HYDIN: variants seen among roughly 807,000 people sequenced by gnomAD.
HYDIN encodes HYDIN axonemal central pair apparatus protein.
HYDIN carries 132 observed loss-of-function variants against 403.9 expected under a neutral mutation model. The observed-to-expected ratio is 0.33, with a 90% confidence interval of 0.28 to 0.38. The LOEUF is 0.38. Ranked by LOEUF, HYDIN falls within the 10% of genes least tolerant of loss-of-function variation. The pLI, the probability that HYDIN is intolerant of heterozygous loss-of-function variation, is 1.00. For missense variants in HYDIN, 2,827 were observed against 5,009.5 expected, an observed-to-expected ratio of 0.56 and a Z score of 13.15; for synonymous variants, 1,202 against 1,891.7, an observed-to-expected ratio of 0.64 and a Z score of 9.46.
At chr16:70,930,636 C>G (rs1461024640) in intron 45 of HYDIN, among the ~76,000 whole-genome samples, 1 of 152,152 alleles carries the variant, frequency 6.6e-6, no homozygotes, top group Non-Finnish European at 1.5e-5. Flanking sequence ...TATAAGCAGC[C>G]TAAATCTCTG....
chr16:71,051,671 A>G (rs1477990436), intron 18 of HYDIN, among the ~76,000 whole-genome samples: 1 of 151,916 alleles, frequency 6.6e-6, no homozygotes, highest in Non-Finnish European at 1.5e-5. Context: ...AAAAAAAACA[A>G]AAAAAAGAAA....
intron 17 of HYDIN, 46 bp downstream of exon 17, chr16:71,062,123 A>C (rs748879470): frequency 9.7e-7 from 1 of 1,029,498 alleles, no homozygotes; most frequent in African/African-American, 1.6e-5. Context: ...AATGTTTGAG[A>C]AGAAGCACAG....
chr16:71,059,668 C>T (rs2144265108), intron 18 of HYDIN, among the ~76,000 whole-genome samples: 1 of 152,256 alleles, frequency 6.6e-6, no homozygotes, highest in East Asian at 1.9e-4. Context: ...ATAAAAACTA[C>T]CTGTTGGATA....
chr16:70,904,531 G>GTTTTTTTTTTTTTTTTTTTT (rs1567802705), intron 50 of HYDIN, among the ~76,000 whole-genome samples: 2 of 22,746 alleles, frequency 8.8e-5, no homozygotes, highest in Non-Finnish European at 1.6e-4. Context: ...AGGGAGTTTC[G>GTTTTTTTTTTTTTTTTTTTT]TTCTTGTTGC....
intron 44 of HYDIN, among the ~76,000 whole-genome samples, chr16:70,936,746 G>A (rs1223949206): frequency 1.3e-5 from 2 of 148,340 alleles, no homozygotes; most frequent in Non-Finnish European, 3.0e-5. Context: ...TGGCCAGGCT[G>A]GTCTCGAACT....
At chr16:71,207,231 AGCAG>A (rs1384901249) in intron 1 of HYDIN, among the ~76,000 whole-genome samples, 1 of 152,252 alleles carries the variant, frequency 6.6e-6, no homozygotes, top group East Asian at 1.9e-4. Context: ...CATATTTCTC[AGCAG>A]AAACCCTATA....
chr16:71,096,421 T>C (rs1184670967), intron 10 of HYDIN, among the ~76,000 whole-genome samples: 1 of 152,268 alleles, frequency 6.6e-6, no homozygotes, highest in Non-Finnish European at 1.5e-5. Context: ...CTGAAAAATT[T>C]TGAGTCATTA....
At chr16:71,108,507 T>A (rs940625973) in intron 10 of HYDIN, among the ~76,000 whole-genome samples, 1 of 152,148 alleles carries the variant, frequency 6.6e-6, no homozygotes, top group African/African-American at 2.4e-5. Context: ...GCTTGCCTTA[T>A]AATTATTTGT....
At position 70,921,167 on chromosome 16, in the gene HYDIN, T is replaced by C. The variant is rs1239231424; in HGVS notation, c.7209A>G (p.Lys2403=). 2 of 1,481,214 alleles carry C rather than the reference T, an allele frequency of 1.4e-6. No homozygotes were observed. The highest frequency in any genetic ancestry group is 2.0e-5 in the Admixed American group (1 of 49,162). 91.8% of individuals were successfully genotyped at this position (1,481,214 alleles called of 1,614,324 possible). Residue 2403 remains lysine (K), a synonymous_variant, in exon 46 of 86, where the codon AAA becomes AAG. Coordinates refer to ENST00000393567, the MANE Select transcript of HYDIN (RefSeq NM_001270974.2). The part of the protein sequence containing the change: ...VDVKMETIER[K]ISVREQTMSE... ...ACATTGTTTGTTCCCTAACAGATAT[T>C]TTCCTTTCGATTGTCTCCATCTTGA...
At chr16:71,188,579 T>C (rs1357210048) in intron 1 of HYDIN, among the ~76,000 whole-genome samples, 3 of 152,212 alleles carry the variant, frequency 2.0e-5, no homozygotes, top group Admixed American at 6.5e-5. Context: ...GTAACAGTTA[T>C]TATTATCTAT....
intron 1 of HYDIN, among the ~76,000 whole-genome samples, chr16:71,203,573 C>T (rs528861648): frequency 6.6e-6 from 1 of 152,202 alleles, no homozygotes; most frequent in South Asian, 2.1e-4. Context: ...TAATCTGTGC[C>T]AAGCACAGTG....
At chr16:70,961,498 A>C (rs1214157538) in intron 38 of HYDIN, among the ~76,000 whole-genome samples, 1 of 152,186 alleles carries the variant, frequency 6.6e-6, no homozygotes, top group African/African-American at 2.4e-5. Flanking sequence ...GTTTCACTGA[A>C]TCTAATTTTC....
chr16:70,819,451 C>G, intron 83 of HYDIN, among the ~76,000 whole-genome samples: 1 of 149,820 alleles, frequency 6.7e-6, no homozygotes, highest in African/African-American at 2.5e-5. Context: ...TTCGCAAACT[C>G]AAGTATCTTG....
intron 12 of HYDIN, among the ~76,000 whole-genome samples, chr16:71,084,622 C>T (rs2082880747): frequency 6.8e-6 from 1 of 146,164 alleles, no homozygotes; most frequent in Middle Eastern, 3.2e-3. Context: ...CTCCTGGCCT[C>T]AGGTAATCTG....
intron 75 of HYDIN, among the ~76,000 whole-genome samples, chr16:70,849,448 CGTT>C (rs1487669665): frequency 1.9e-4 from 29 of 151,880 alleles, no homozygotes; most frequent in Non-Finnish European, 5.9e-5. Context: ...TCTTAGAAAA[CGTT>C]GTACATATTC....
intron 62 of HYDIN, among the ~76,000 whole-genome samples, chr16:70,878,780 A>G (rs1164333647): frequency 7.2e-6 from 1 of 139,444 alleles, no homozygotes; most frequent in African/African-American, 3.2e-5. Context: ...TTCAAACGTC[A>G]TTTACAGTGA....
chr16:70,817,630 ACT>A (rs2143452721), intron 84 of HYDIN: 1 of 152,362 alleles, frequency 6.6e-6, no homozygotes, highest in Non-Finnish European at 1.5e-5. Context: ...ACTCCTAACC[ACT>A]GTCAAAGTTT....
chr16:70,892,708 A>G (rs187292527), intron 55 of HYDIN, among the ~76,000 whole-genome samples, 179 bp from the exon 56 acceptor site: 2,993 of 151,986 alleles, frequency 0.02, 48 homozygotes, highest in Middle Eastern at 0.082. Flanking sequence ...AGGATTGACC[A>G]GGCTAGGAAT....
rs13335758 is a variant in HYDIN, at chr16:70,805,775, G to T, written c.*1805C>A. Among the ~76,000 whole-genome samples, 1 of 152,160 alleles carries T rather than the reference G, an allele frequency of 6.6e-6. No individual in the cohort carries two copies. The highest frequency in any genetic ancestry group is 1.5e-5 in the Non-Finnish European group (1 of 68,010). ...ATCAGTAGTGTCTTTAGAGGTTATA[G>T]AAATAAATTGTCTATTGAGTATGGC... On this transcript the variant is annotated 3_prime_UTR_variant, in exon 86 of 86. Transcript: ENST00000393567.
Sources: allele counts gnomAD v4.1 joint callset (sites outside exome capture counted in the v4.1 genomes callset), GRCh38; gene constraint gnomAD v4.1.1; transcripts MANE v1.5; gene names NCBI Gene and HGNC (gene_info 2026-07-23, HGNC 2026-07-21).